HADHA: variants seen among roughly 807,000 people sequenced by gnomAD.
HADHA encodes trifunctional enzyme subunit alpha, mitochondrial.
In HADHA, 59 loss-of-function variants were observed where a neutral mutation model predicts 91.3. That is an observed-to-expected ratio of 0.65 (90% CI 0.52 to 0.80). The LOEUF is 0.80. Ranked by LOEUF, HADHA falls within the 30% of genes least tolerant of loss-of-function variation. The pLI is 0.00. For synonymous variants in HADHA, 320 were observed against 338.9 expected (o/e 0.94, Z 0.61); for missense variants, 800 against 927.6 (o/e 0.86, Z 1.79).
Position 26,197,744 on chromosome 2 carries a change from T to C in HADHA, c.1426A>G (p.Thr476Ala), listed in dbSNP as rs1574605383. 6.4e-7 allele frequency: 1 copy of C among 1,554,646 alleles called. No homozygotes were observed. Among genetic ancestry groups the C allele is most frequent in the African/African-American group, 1.4e-5 (1 of 73,948 alleles). Residue 476 changes from threonine to alanine, a missense_variant, in exon 14 of 20, where the codon ACA becomes GCA. Transcript: ENST00000380649. ...ATTTCACTGATTGGGAGAGCAGATGTGTTACTGGCAAAGATACAGTGATCT... is the reference window on the plus strand; with the variant it reads ...ATTTCACTGATTGGGAGAGCAGATGCGTTACTGGCAAAGATACAGTGATCT... ...IPDHCIFASNTSALPISEIAA... is the reference protein window; with the variant it reads ...IPDHCIFASNASALPISEIAA...
chr2:26,196,395 T>C (rs900088811), intron 14 of HADHA, among the ~76,000 whole-genome samples: 3 of 152,260 alleles, frequency 2.0e-5, no homozygotes, highest in Admixed American at 6.5e-5. Context: ...TTAGCCTTTA[T>C]TGATGTAGAA....
In HADHA at chr2:26,229,317, AAC is replaced by A. The variant is rs1340036451; in HGVS notation, c.676+873_676+874del. Among the ~76,000 whole-genome samples, 5 of 149,694 alleles carry A rather than the reference AAC, an allele frequency of 3.3e-5. No homozygotes were observed. The highest frequency in any genetic ancestry group is 4.2e-4 in the South Asian group (2 of 4,714). ...CACACCACCATATTCCAGTCTGAGC[AAC>A]AGAGTGAGACCCCAACATGTGTGCG... On this transcript the variant is annotated intron_variant, in intron 7 of 19. Transcript: ENST00000380649. The surrounding 1 kb of genome is among the most constrained non-coding windows in gnomAD (Gnocchi z 4.3).
chr2:26,238,944 G>A lies in HADHA; in HGVS notation c.170C>T (p.Pro57Leu), dbSNP rs1670825715. ...GDVAVVRINSPNSKVNTLSKE... is the reference protein window; with the variant it reads ...GDVAVVRINSLNSKVNTLSKE... ...AATTAAATGAGATACCTTTGAATTGGGAGAGTTAATTCGAACAACTGCCAC... is the reference window on the plus strand; with the variant it reads ...AATTAAATGAGATACCTTTGAATTGAGAGAGTTAATTCGAACAACTGCCAC... The change falls in exon 3 of 20, where the codon CCC becomes CTC. Residue 57 changes from proline (P) to leucine (L), a missense_variant. Pro to Leu is a moderately conservative substitution (Grantham distance 98, BLOSUM62 -3). Transcript: ENST00000380649. 1.3e-6 allele frequency: 2 copies of A among 1,598,152 alleles called. No homozygotes were observed. Among genetic ancestry groups the A allele is most frequent in the Non-Finnish European group, 8.6e-7 (1 of 1,166,910 alleles).
At chr2:26,227,846 C>T (rs1012617133) in intron 7 of HADHA, among the ~76,000 whole-genome samples, 1 of 151,692 alleles carries the variant, frequency 6.6e-6, no homozygotes, top group African/African-American at 2.4e-5. Context: ...GATAAGGTCT[C>T]CCTCTCTCAC....
intron 7 of HADHA, among the ~76,000 whole-genome samples, chr2:26,228,012 T>A (rs1670524154): frequency 6.6e-6 from 1 of 151,750 alleles, no homozygotes; most frequent in South Asian, 2.1e-4. Flanking sequence ...TGAGACAGAG[T>A]CTTGCTATGT....
chr2:26,224,192 AG>A (rs1670436569), intron 7 of HADHA, among the ~76,000 whole-genome samples: 2 of 152,200 alleles, frequency 1.3e-5, no homozygotes, highest in South Asian at 4.1e-4. Context: ...ATCCTCAACC[AG>A]TGTACCATTC....
chr2:26,244,581 C>T lies in HADHA; in HGVS notation c.16G>A (p.Ala6Thr), dbSNP rs150565988. The change falls in exon 1 of 20, where the codon GCG becomes ACG. Residue 6 changes from alanine to threonine, a missense_variant. Ala to Thr is a moderately conservative substitution (Grantham distance 58). Coordinates refer to ENST00000380649, the MANE Select transcript of HADHA (RefSeq NM_000182.5). MVACR[A>T]IGILSRFSAF... ...GAAAAGCGGCTGAGGATGCCAATCG[C>T]CCGGCAGGCCACCATCTTGAGCTGA... 12 of 1,585,192 alleles carry T rather than the reference C, an allele frequency of 7.6e-6. No individual in the cohort carries two copies. The East Asian group carries it at 2.5e-4, about 34-fold the overall frequency.
In HADHA at chr2:26,195,097, C is replaced by T. The variant is rs770961702; in HGVS notation, c.1615G>A (p.Val539Ile). 1.5e-5 allele frequency: 24 copies of T among 1,613,162 alleles called. No individual in the cohort carries two copies. The African/African-American group carries it at 1.7e-4, about 12-fold the overall frequency. Residue 539 changes from valine to isoleucine, a missense_variant, in exon 15 of 20, where the codon GTT (valine) becomes ATT (isoleucine). Coordinates refer to ENST00000380649, the MANE Select transcript of HADHA (RefSeq NM_000182.5). Reference protein sequence around the residue: ...GLKQGKVIIVVKDGPGFYTTR... With the variant: ...GLKQGKVIIVIKDGPGFYTTR... ...TCTGTTATACAGCCCCTTACCTTAA[C>T]CACAATGATGACCTTCCCCTGCTTG...
rs1045915169 is a variant in HADHA at position 26,212,447 on chromosome 2, A to G, written c.975+123T>C. The stretch of plus-strand genomic sequence containing the variant: ...AGATTAATCATAAGAGATGATAAGC[A>G]CTGGAAGAAAAAAATTTTTACTAGG... On this transcript the variant is annotated intron_variant, in intron 10 of 19. Transcript: ENST00000380649. 15 of 729,754 alleles carry G rather than the reference A, an allele frequency of 2.1e-5. No individual in the cohort carries two copies. In the African/African-American group the frequency reaches 2.5e-4, roughly 12 times the overall value. The allele number at this position is 729,754 out of a possible 1,614,324, so 45.2% of individuals were successfully genotyped here.
At position 26,244,512 on chromosome 2, in the gene HADHA, C is replaced by T. The variant is rs762767788; in HGVS notation, c.67+18G>A. 26 of 1,565,032 alleles carry T rather than the reference C, an allele frequency of 1.7e-5. No homozygotes were observed. The African/African-American group carries it at 3.4e-4, about 20-fold the overall frequency. On this transcript the variant is annotated intron_variant, in intron 1 of 19. Transcript: ENST00000380649. ...GAGTTCTGCCCGGAGGTCTGGGATG[C>T]CCTCGGCCAGGCCTCACCTCGGGAG...
At position 26,192,161 on chromosome 2, in the gene HADHA, C is replaced by G. The variant is rs111417710; in HGVS notation, c.2000+149G>C. The G allele has an allele frequency of 9.3e-4, 582 of 622,572 alleles. 4 individuals are homozygous for G. The African/African-American group carries it at 9.8e-3, about 11-fold the overall frequency. 38.6% of individuals were successfully genotyped at this position (622,572 alleles called of 1,614,324 possible). The stretch of plus-strand genomic sequence containing the variant: ...TCACAAAGAAAATGGAAGACAGCAC[C>G]ATGGCACGTGTATACCTATGTAACA... On this transcript the variant is annotated intron_variant, in intron 18 of 19. Coordinates refer to ENST00000380649, the MANE Select transcript of HADHA (RefSeq NM_000182.5).
At chr2:26,195,305 AG>A in intron 14 of HADHA, 73 bp from the exon 15 acceptor site, 1 of 1,250,276 alleles carries the variant, frequency 8.0e-7, no homozygotes, top group Non-Finnish European at 1.2e-6. Context: ...CTTCTCTGCT[AG>A]GAAAACACTA....
At chr2:26,201,100 G>A (rs1250482251) in intron 13 of HADHA, 49 bp downstream of exon 13, 4 of 1,401,746 alleles carry the variant, frequency 2.9e-6, no homozygotes, top group Non-Finnish European at 4.1e-6. Context: ...AAATCTCTGT[G>A]TTTTCTGTTC....
chr2:26,242,337 AC>A (rs1231110418), intron 1 of HADHA, among the ~76,000 whole-genome samples: 1 of 152,206 alleles, frequency 6.6e-6, no homozygotes, highest in Non-Finnish European at 1.5e-5. Context: ...CACTTTCCAG[AC>A]TTTTTTTCAA....
chr2:26,232,984 G>A (rs982387223), intron 5 of HADHA, among the ~76,000 whole-genome samples: 2 of 152,106 alleles, frequency 1.3e-5, no homozygotes, highest in Non-Finnish European at 2.9e-5. Context: ...GTGGGAGGGA[G>A]TGGTTTCAGG....
At chr2:26,228,063 C>T (rs1051201412) in intron 7 of HADHA, among the ~76,000 whole-genome samples, 1 of 151,808 alleles carries the variant, frequency 6.6e-6, no homozygotes, top group Non-Finnish European at 1.5e-5. Flanking sequence ...TAATATATAT[C>T]TGTTATATGG....
chr2:26,201,797 T>A (rs1393766554), intron 12 of HADHA, among the ~76,000 whole-genome samples: 7 of 152,056 alleles, frequency 4.6e-5, no homozygotes, highest in Non-Finnish European at 7.4e-5. Context: ...TCTTTTTTTT[T>A]TTTTATTTAT....
intron 1 of HADHA, among the ~76,000 whole-genome samples, chr2:26,243,925 C>T (rs1670992808): frequency 6.6e-6 from 1 of 152,230 alleles, no homozygotes; most frequent in Non-Finnish European, 1.5e-5. Flanking sequence ...AGTGTGTCTT[C>T]CAGTAAGTTG....
chr2:26,206,509 G>A (rs909193113), intron 11 of HADHA, among the ~76,000 whole-genome samples: 3 of 152,148 alleles, frequency 2.0e-5, no homozygotes, highest in Non-Finnish European at 2.9e-5. Flanking sequence ...GATTACAGGC[G>A]TAAGCCACCA....
Sources: allele counts gnomAD v4.1 joint callset (sites outside exome capture counted in the v4.1 genomes callset), GRCh38; gene constraint gnomAD v4.1.1; non-coding constraint Gnocchi (gnomAD v3.1); transcripts MANE v1.5; gene names NCBI Gene and HGNC (gene_info 2026-07-23, HGNC 2026-07-21).